Variants in TAPT1 observed in about 807,000 individuals in gnomAD.
TAPT1 encodes transmembrane anterior posterior transformation protein 1 homolog.
In TAPT1, 28 loss-of-function variants were observed where a neutral mutation model predicts 65.6. The observed-to-expected ratio is 0.43, with a 90% CI of 0.32 to 0.59. The LOEUF (loss-of-function observed/expected upper bound fraction) is 0.59. Ranked by LOEUF, TAPT1 falls within the 20% of genes least tolerant of loss-of-function variation. The pLI is 0.09. For synonymous variants in TAPT1, 278 were observed against 245.2 expected (o/e 1.13, Z -1.25); for missense variants, 563 against 679.9 (o/e 0.83, Z 1.91).
At chr4:16,176,264 T>A in intron 8 of TAPT1, 36 bp from the exon 9 acceptor site, 1 of 1,087,382 alleles carries the variant, frequency 9.2e-7, no homozygotes, top group Non-Finnish European at 1.3e-6. Context: ...CGAAATATCT[T>A]AATATGAACA....
intron 2 of TAPT1, among the ~76,000 whole-genome samples, chr4:16,210,537 C>T (rs1330531163): frequency 8.5e-5 from 13 of 152,152 alleles, no homozygotes; most frequent in African/African-American, 3.1e-4. Flanking sequence ...AAAAATTTTA[C>T]ATGCTTACCA....
At chr4:16,192,329 C>T (rs1207277268) in intron 3 of TAPT1, among the ~76,000 whole-genome samples, 2 of 152,192 alleles carry the variant, frequency 1.3e-5, no homozygotes, top group East Asian at 3.9e-4. Flanking sequence ...AGTGTAGTTT[C>T]ACCGTTAATT....
intron 2 of TAPT1, among the ~76,000 whole-genome samples, chr4:16,210,135 G>C (rs986329549): frequency 1.3e-5 from 2 of 152,172 alleles, no homozygotes; most frequent in African/African-American, 4.8e-5. Context: ...TCATGAAAGA[G>C]ATCAGCTTTA....
chr4:16,190,344 T>C (rs1292899396), intron 4 of TAPT1: 1 of 152,158 alleles, frequency 6.6e-6, no homozygotes, highest in Non-Finnish European at 1.5e-5. Context: ...TGAATTTCTT[T>C]TTTTTTTTCC....
chr4:16,193,968 A>G (rs554645609), intron 3 of TAPT1, among the ~76,000 whole-genome samples: 2 of 152,258 alleles, frequency 1.3e-5, no homozygotes, highest in Non-Finnish European at 2.9e-5. Context: ...TTCGTATTAG[A>G]TGGCATCTAC....
chr4:16,210,001 A>G (rs1394270683), intron 2 of TAPT1, among the ~76,000 whole-genome samples: 2 of 152,194 alleles, frequency 1.3e-5, no homozygotes, highest in African/African-American at 4.8e-5. Context: ...GCCTCTGGTT[A>G]AAGCACCCTG....
intron 12 of TAPT1, among the ~76,000 whole-genome samples, chr4:16,168,184 G>C (rs888841423): frequency 2.0e-5 from 3 of 151,652 alleles, no homozygotes; most frequent in African/African-American, 7.3e-5. Flanking sequence ...CATGATCATC[G>C]CTCACTGCAG....
At chr4:16,168,598 G>C (rs762486070) in intron 12 of TAPT1, among the ~76,000 whole-genome samples, 3 of 152,234 alleles carry the variant, frequency 2.0e-5, no homozygotes, top group South Asian at 2.1e-4. Context: ...GCTCACCAGA[G>C]AGGCCTGCCC....
At chr4:16,213,628 G>T in intron 2 of TAPT1, 140 bp downstream of exon 2, 1 of 705,366 alleles carries the variant, frequency 1.4e-6, no homozygotes, top group South Asian at 2.7e-5. Flanking sequence ...GCTTCTTCCT[G>T]TAAGGAAATT....
At chr4:16,173,543 C>T (rs978635141) in intron 11 of TAPT1, among the ~76,000 whole-genome samples, 2 of 150,130 alleles carry the variant, frequency 1.3e-5, no homozygotes, top group South Asian at 2.1e-4. Context: ...CTCAGCCTCC[C>T]GAGTAAAAAA....
chr4:16,202,849 G>A (rs567516223), intron 2 of TAPT1, among the ~76,000 whole-genome samples: 25 of 152,210 alleles, frequency 1.6e-4, no homozygotes, highest in African/African-American at 5.8e-4. Context: ...GGCTTTCTGA[G>A]TACTTCCTCA....
chr4:16,179,791 T>C (rs913232799), intron 7 of TAPT1, 134 bp from the exon 8 acceptor site: 1 of 434,342 alleles, frequency 2.3e-6, no homozygotes, highest in African/African-American at 2.5e-5. Context: ...TACAACTTTA[T>C]ATATATATAT....
chr4:16,174,594 C>T (rs1748209162), intron 10 of TAPT1, 76 bp downstream of exon 10: 2 of 1,305,838 alleles, frequency 1.5e-6, no homozygotes, highest in East Asian at 2.5e-5. Flanking sequence ...ATATTTCATG[C>T]TAAATTAATC....
intron 2 of TAPT1, among the ~76,000 whole-genome samples, chr4:16,213,311 A>C (rs1750749533): frequency 6.6e-6 from 1 of 152,222 alleles, no homozygotes; most frequent in Non-Finnish European, 1.5e-5. Flanking sequence ...GATAAAGATT[A>C]AACAAACCAT....
chr4:16,211,531 G>C (rs1017899996), intron 2 of TAPT1, among the ~76,000 whole-genome samples: 23 of 152,180 alleles, frequency 1.5e-4, no homozygotes, highest in African/African-American at 5.1e-4. Flanking sequence ...ATGTTCTTTT[G>C]TACATTTAGG....
chr4:16,207,867 T>C (rs1750437781), intron 2 of TAPT1, among the ~76,000 whole-genome samples: 1 of 152,260 alleles, frequency 6.6e-6, no homozygotes, highest in Admixed American at 6.5e-5. Flanking sequence ...CAGTTGAATT[T>C]AATTTTTAGA....
intron 4 of TAPT1, among the ~76,000 whole-genome samples, chr4:16,189,572 G>A (rs908661340): frequency 2.0e-5 from 3 of 152,174 alleles, no homozygotes; most frequent in Non-Finnish European, 4.4e-5. Flanking sequence ...CTTTACAGAT[G>A]AGAAACTGAG....
intron 2 of TAPT1, among the ~76,000 whole-genome samples, chr4:16,210,728 T>C (rs898622177): frequency 1.3e-5 from 2 of 152,166 alleles, no homozygotes; most frequent in African/African-American, 4.8e-5. Flanking sequence ...AAGTATAGTT[T>C]AATCTCCTTG....
At chr4:16,191,612 A>T in intron 3 of TAPT1, 89 bp from the exon 4 acceptor site, 5 of 1,282,250 alleles carry the variant, frequency 3.9e-6, no homozygotes, top group Non-Finnish European at 5.2e-6. Flanking sequence ...ACACTGGCAT[A>T]CAAAGGTAAA....
Sources: gnomAD v4.1 joint callset for allele counts (sites outside exome capture counted in the v4.1 genomes callset) on GRCh38, gnomAD v4.1.1 for gene constraint, MANE v1.5 for transcripts, NCBI Gene and HGNC (gene_info 2026-07-23, HGNC 2026-07-21) for gene names.